MXI1: variants seen among roughly 807,000 people sequenced by gnomAD.
MXI1 encodes MAX interactor 1, dimerization protein.
Under a neutral mutation model 36.9 loss-of-function variants are expected in MXI1, and 18 were observed. The ratio of observed to expected loss-of-function variants is 0.49; its 90% CI spans 0.34 to 0.72. The LOEUF is 0.72. Among genes scored for constraint, MXI1 ranks in the 30% least tolerant of loss-of-function variants. MXI1 has a pLI of 0.01. For missense variants in MXI1, 304 were observed against 379.1 expected (o/e 0.80, Z 1.64); for synonymous variants, 160 against 146.7 (o/e 1.09, Z -0.65).
At chr10:110,218,843 G>A (rs1854724411) in intron 1 of MXI1, among the ~76,000 whole-genome samples, 2 of 152,182 alleles carry the variant, frequency 1.3e-5, no homozygotes, top group African/African-American at 4.8e-5. Context: ...AAGGGCTTCT[G>A]CCAGGGAAGC....
rs183143831 is a variant in MXI1 at position 110,264,647 on chromosome 10, G to A, written c.438-14533G>A. On this transcript the variant is annotated intron_variant, in intron 3 of 5. Transcript: ENST00000332674. ...CCAAAGTGCTGGGATGAGCCACCACGCCCGTCCTAGTAATTGATTTTTAAA... is the reference window on the plus strand; with the variant it reads ...CCAAAGTGCTGGGATGAGCCACCACACCCGTCCTAGTAATTGATTTTTAAA... Among the ~76,000 whole-genome samples, 14 of 152,078 alleles carry A rather than the reference G, an allele frequency of 9.2e-5. No individual in the cohort carries two copies. In the East Asian group the frequency reaches 2.3e-3, roughly 25 times the overall value.
intron 3 of MXI1, among the ~76,000 whole-genome samples, chr10:110,272,343 C>G (rs992238522): frequency 6.6e-6 from 1 of 152,210 alleles, no homozygotes; most frequent in African/African-American, 2.4e-5. Context: ...AAGGAATACT[C>G]AACCTGTCTG....
At chr10:110,236,625 T>G (rs533003246) in intron 2 of MXI1, among the ~76,000 whole-genome samples, 126 of 152,288 alleles carry the variant, frequency 8.3e-4, no homozygotes, top group African/African-American at 2.9e-3. Context: ...CACACTCTGC[T>G]AATTTTTATA....
chr10:110,210,725 G>A (rs1283044002), intron 1 of MXI1, among the ~76,000 whole-genome samples: 1 of 152,236 alleles, frequency 6.6e-6, no homozygotes, highest in African/African-American at 2.4e-5. Context: ...TATGGGGGGC[G>A]CTTCTTCGCG....
intron 3 of MXI1, among the ~76,000 whole-genome samples, chr10:110,268,710 C>A (rs1467791729): frequency 2.6e-5 from 4 of 151,648 alleles, no homozygotes; most frequent in African/African-American, 9.7e-5. Flanking sequence ...TAGGCTGCCT[C>A]CAAAAGTTAC....
chr10:110,259,974 A>G (rs1234923153), intron 3 of MXI1, among the ~76,000 whole-genome samples: 2 of 152,058 alleles, frequency 1.3e-5, no homozygotes, highest in Non-Finnish European at 2.9e-5. Context: ...CATCTTCTAA[A>G]TCAAGAAAAG....
chr10:110,228,011 G>A (rs1453509594), intron 1 of MXI1, 178 bp from the exon 2 acceptor site: 2 of 633,938 alleles, frequency 3.2e-6, no homozygotes, highest in Admixed American at 2.8e-5. Context: ...AGCTGGTGGG[G>A]TGTCACAGGA....
intron 2 of MXI1, among the ~76,000 whole-genome samples, chr10:110,242,312 T>C (rs749154687): frequency 3.3e-5 from 5 of 152,000 alleles, no homozygotes; most frequent in Non-Finnish European, 7.4e-5. Context: ...CATATCTTAA[T>C]TTACCCAATG....
chr10:110,237,235 G>A (rs994947043), intron 2 of MXI1, among the ~76,000 whole-genome samples: 4 of 152,092 alleles, frequency 2.6e-5, no homozygotes, highest in African/African-American at 9.7e-5. Context: ...CTCTAGTACA[G>A]TGCTGGATAG....
At chr10:110,255,100 T>C (rs1178858620) in intron 3 of MXI1, among the ~76,000 whole-genome samples, 1 of 152,168 alleles carries the variant, frequency 6.6e-6, no homozygotes, top group African/African-American at 2.4e-5. Context: ...TGGGCTGTCT[T>C]AATAGGGGCT....
chr10:110,275,601 C>A (rs962176682), intron 3 of MXI1, among the ~76,000 whole-genome samples: 3 of 152,210 alleles, frequency 2.0e-5, no homozygotes, highest in South Asian at 2.1e-4. Context: ...ACCTAAGTGG[C>A]AGCTAAGGAC....
intron 1 of MXI1, chr10:110,227,578 C>CT (rs1855099836): frequency 1.2e-6 from 1 of 848,006 alleles, no homozygotes; most frequent in South Asian, 6.3e-5. Flanking sequence ...AACACGGATG[C>CT]TGGGGGGGGT....
At chr10:110,227,276 GT>G in intron 1 of MXI1, 1 of 896,814 alleles carries the variant, frequency 1.1e-6, no homozygotes, top group Non-Finnish European at 1.3e-6. Flanking sequence ...GCGTGCGCGT[GT>G]GGGAGGGGCG....
At chr10:110,213,507 A>AT (rs537330329) in intron 1 of MXI1, among the ~76,000 whole-genome samples, 33 of 152,112 alleles carry the variant, frequency 2.2e-4, no homozygotes, top group Non-Finnish European at 4.7e-4. Flanking sequence ...GATTCAACTT[A>AT]TTTTTTCCAG....
chr10:110,240,071 G>A (rs1027417820), intron 2 of MXI1, among the ~76,000 whole-genome samples: 2 of 151,896 alleles, frequency 1.3e-5, no homozygotes, highest in African/African-American at 2.4e-5. Context: ...TTGAAATTGT[G>A]TAGATTAATC....
chr10:110,240,201 T>C (rs947341507), intron 2 of MXI1, among the ~76,000 whole-genome samples: 1 of 152,100 alleles, frequency 6.6e-6, no homozygotes, highest in South Asian at 2.1e-4. Context: ...TTGGGGCCAG[T>C]ATGAATAGTT....
intron 3 of MXI1, among the ~76,000 whole-genome samples, chr10:110,249,577 A>AC (rs1042129338): frequency 2.4e-5 from 2 of 82,370 alleles, no homozygotes; most frequent in African/African-American, 1.6e-4. Flanking sequence ...AGACTTTGTC[A>AC]AAAAAAAAAA....
intron 1 of MXI1, among the ~76,000 whole-genome samples, chr10:110,222,079 A>G (rs1405162811): frequency 6.6e-6 from 1 of 152,152 alleles, no homozygotes; most frequent in Non-Finnish European, 1.5e-5. Context: ...GGCGAGGGAA[A>G]GGTTTTCTGC....
chr10:110,250,954 CTTA>C (rs1856059224), intron 3 of MXI1, among the ~76,000 whole-genome samples: 2 of 142,294 alleles, frequency 1.4e-5, no homozygotes, highest in Admixed American at 1.5e-4. Context: ...AAGGCTTATC[CTTA>C]TTATAACTTT....
Sources: allele counts gnomAD v4.1 joint callset (sites outside exome capture counted in the v4.1 genomes callset), GRCh38; gene constraint gnomAD v4.1.1; transcripts MANE v1.5; gene names NCBI Gene and HGNC (gene_info 2026-07-23, HGNC 2026-07-21).